The following FSTL5 variants were observed in gnomAD, a reference collection of about 807,000 sequenced individuals.
The protein encoded by FSTL5 is follistatin like 5, also known as follistatin-related protein 5.
Under a neutral mutation model 89.1 loss-of-function variants are expected in FSTL5, and 62 were observed. The observed-to-expected ratio is 0.70, with a 90% CI of 0.57 to 0.86. FSTL5 has a LOEUF of 0.86. Among genes scored for constraint, FSTL5 ranks in the 40% least tolerant of loss-of-function variants. FSTL5 has a pLI of 0.00. For synonymous variants in FSTL5, 383 were observed against 346.2 expected, an observed-to-expected ratio of 1.11 and a Z score of -1.18; for missense variants, 1,057 against 1,001.6, an observed-to-expected ratio of 1.06 and a Z score of -0.75.
intron 7 of FSTL5, among the ~76,000 whole-genome samples, chr4:161,601,796 C>T (rs1734246522): frequency 6.6e-6 from 1 of 151,972 alleles, no homozygotes; most frequent in Non-Finnish European, 1.5e-5. Flanking sequence ...GCTAACAAAA[C>T]CAAAACAAGC....
chr4:161,465,402 T>C lies in FSTL5; in HGVS notation c.1609-6083A>G, dbSNP rs150865867. 3.6e-3 allele frequency among the ~76,000 whole-genome samples: 551 copies of C among 152,238 alleles called. 3 individuals are homozygous for C. Among genetic ancestry groups the C allele is most frequent in the African/African-American group, 0.012 (501 of 41,534 alleles). Reference sequence around the variant, plus strand: ...TTACAAAAAAGCATTAGTTATGTGCTCATATTTTATTTCAAAATTAACCTA... The same window carrying C: ...TTACAAAAAAGCATTAGTTATGTGCCCATATTTTATTTCAAAATTAACCTA... On this transcript the variant is annotated intron_variant, in intron 13 of 15. Coordinates refer to ENST00000306100, the MANE Select transcript of FSTL5 (RefSeq NM_020116.5).
At chr4:161,712,673 A>G (rs1246485013) in intron 6 of FSTL5, among the ~76,000 whole-genome samples, 1 of 152,094 alleles carries the variant, frequency 6.6e-6, no homozygotes, top group Non-Finnish European at 1.5e-5. Flanking sequence ...TCACGGGGGC[A>G]GGTCCCTTAT....
intron 4 of FSTL5, among the ~76,000 whole-genome samples, chr4:161,840,787 T>G (rs1731185951): frequency 6.6e-6 from 1 of 152,180 alleles, no homozygotes; most frequent in South Asian, 2.1e-4. Context: ...CTTTTCCAGA[T>G]CTTTTATTAA....
intron 13 of FSTL5, among the ~76,000 whole-genome samples, chr4:161,468,539 T>C (rs1477493862): frequency 6.6e-6 from 1 of 152,112 alleles, no homozygotes. Context: ...CCAGAGCATG[T>C]GGAAAGAAAA....
At position 161,863,093 on chromosome 4, in the gene FSTL5, A is replaced by T. The variant is rs143711144; in HGVS notation, c.409+57311T>A. Among the ~76,000 whole-genome samples the T allele has an allele frequency of 3.9e-5, 6 of 152,328 alleles. No individual in the cohort carries two copies. The East Asian group carries it at 1.2e-3, about 29-fold the overall frequency. Reference sequence around the variant, plus strand: ...GTCTTCCATTTTTCTATCAGTTATAACATTTAACTATTCATATTTCAATGA... The same window carrying T: ...GTCTTCCATTTTTCTATCAGTTATATCATTTAACTATTCATATTTCAATGA... On this transcript the variant is annotated intron_variant, in intron 4 of 15. Coordinates refer to ENST00000306100, the MANE Select transcript of FSTL5 (RefSeq NM_020116.5).
chr4:161,848,059 A>C (rs1393833012), intron 4 of FSTL5, among the ~76,000 whole-genome samples: 1 of 151,096 alleles, frequency 6.6e-6, no homozygotes, highest in Non-Finnish European at 1.5e-5. Context: ...AAAAAAAAAA[A>C]AAACAAGACA....
rs774312121 is a variant in FSTL5 at position 161,775,993 on chromosome 4, T to A, written c.491A>T (p.Glu164Val). Residue 164 changes from glutamate to valine, a missense_variant, in exon 5 of 16, where the codon GAA becomes GTA. Glu to Val is a moderately radical substitution (Grantham distance 121). Around this residue, in one of 3 missense-constraint regions of FSTL5, gnomAD observed 980 missense variants for 903.2 expected, o/e 1.08. Coordinates refer to ENST00000306100, the MANE Select transcript of FSTL5 (RefSeq NM_020116.5). ...DLQNQKYIMQ[E>V]NENPNGDDIS... ...GTCGTCGCCATTAGGATTTTCATTT[T>A]CTTGCATAATATATTTTTGATTTTG... is the stretch of plus-strand genomic sequence containing the variant. 2 of 1,599,856 alleles carry A rather than the reference T, an allele frequency of 1.3e-6. No individual in the cohort carries two copies. The highest frequency in any genetic ancestry group is 1.7e-6 in the Non-Finnish European group (2 of 1,169,360).
chr4:161,455,410 A>G (rs1392196239), intron 14 of FSTL5, among the ~76,000 whole-genome samples: 2 of 152,158 alleles, frequency 1.3e-5, no homozygotes, highest in African/African-American at 2.4e-5. Context: ...CAACTTCTTC[A>G]TTACAAAAAT....
intron 3 of FSTL5, among the ~76,000 whole-genome samples, chr4:161,952,680 T>C (rs1292129582): frequency 6.6e-6 from 1 of 151,920 alleles, no homozygotes; most frequent in Non-Finnish European, 1.5e-5. Flanking sequence ...AAATGCATTT[T>C]TAATTTAACA....
At chr4:162,078,721 T>C (rs990426671) in intron 2 of FSTL5, among the ~76,000 whole-genome samples, 1 of 151,774 alleles carries the variant, frequency 6.6e-6, no homozygotes, top group Non-Finnish European at 1.5e-5. Context: ...CATTTGACAA[T>C]TTTACACCTT....
chr4:161,699,498 G>A (rs1738300191), intron 6 of FSTL5, among the ~76,000 whole-genome samples: 1 of 152,120 alleles, frequency 6.6e-6, no homozygotes, highest in East Asian at 1.9e-4. Flanking sequence ...TGTTTAAGAA[G>A]TAGCAGCTTG....
chr4:162,022,492 G>A (rs185314071), intron 3 of FSTL5, among the ~76,000 whole-genome samples: 26 of 152,050 alleles, frequency 1.7e-4, no homozygotes, highest in Admixed American at 5.2e-4. Context: ...ATAGCAATTT[G>A]TATGGCAAAT....
At chr4:161,907,578 A>G (rs1013244471) in intron 4 of FSTL5, among the ~76,000 whole-genome samples, 15 of 152,092 alleles carry the variant, frequency 9.9e-5, no homozygotes, top group African/African-American at 3.4e-4. Flanking sequence ...GCTATTCACC[A>G]GACATGGTTT....
intron 6 of FSTL5, among the ~76,000 whole-genome samples, chr4:161,743,564 T>A (rs956097190): frequency 6.6e-6 from 1 of 152,144 alleles, no homozygotes; most frequent in African/African-American, 2.4e-5. Flanking sequence ...ACTTTAGTTT[T>A]TTTTTCTATT....
At chr4:161,996,706 T>C (rs1736306393) in intron 3 of FSTL5, among the ~76,000 whole-genome samples, 3 of 152,352 alleles carry the variant, frequency 2.0e-5, no homozygotes, top group South Asian at 4.1e-4. Context: ...TTTGGAACCG[T>C]TGGCCCAGTG....
chr4:161,599,975 C>T (rs1057182865), intron 7 of FSTL5, among the ~76,000 whole-genome samples: 1 of 151,902 alleles, frequency 6.6e-6, no homozygotes, highest in African/African-American at 2.4e-5. Flanking sequence ...ATTGACAATG[C>T]CATATTTTAC....
chr4:161,689,944 G>A (rs969141784), intron 6 of FSTL5, among the ~76,000 whole-genome samples: 1 of 151,840 alleles, frequency 6.6e-6, no homozygotes, highest in African/African-American at 2.4e-5. Flanking sequence ...TCATACTTTC[G>A]AGATTCATCC....
intron 2 of FSTL5, among the ~76,000 whole-genome samples, chr4:162,060,818 C>T (rs1030692769): frequency 2.0e-5 from 3 of 151,534 alleles, no homozygotes; most frequent in Admixed American, 2.0e-4. Context: ...CATATTGCAC[C>T]ACACTTTGAC....
chr4:161,856,136 G>A (rs13111078), intron 4 of FSTL5, among the ~76,000 whole-genome samples: 146,007 of 152,154 alleles, frequency 0.96, 70,248 homozygotes, highest in Non-Finnish European at 1. Context: ...AATCTTTTGA[G>A]GTTGAGGAAA....
Sources: allele counts gnomAD v4.1 joint callset (sites outside exome capture counted in the v4.1 genomes callset), GRCh38; gene constraint gnomAD v4.1.1; regional missense constraint gnomAD v4.1.1; transcripts MANE v1.5; gene names NCBI Gene and HGNC (gene_info 2026-07-23, HGNC 2026-07-21).